Variants in FAM83B observed in about 807,000 individuals in gnomAD.
The protein encoded by FAM83B is protein FAM83B.
A neutral mutation model predicts 38.8 loss-of-function variants in FAM83B; 26 were observed. The observed-to-expected ratio is 0.67, with a 90% CI of 0.49 to 0.93. FAM83B has a LOEUF of 0.93. Ranked by LOEUF, FAM83B falls within the 40% of genes least tolerant of loss-of-function variation. FAM83B has a pLI of 0.00. For synonymous variants in FAM83B, 419 were observed against 423.1 expected, an observed-to-expected ratio of 0.99 and a Z score of 0.12; for missense variants, 1,237 against 1,197.3, an observed-to-expected ratio of 1.03 and a Z score of -0.49.
intron 2 of FAM83B, among the ~76,000 whole-genome samples, chr6:54,883,622 C>T (rs1380776079): frequency 6.6e-6 from 1 of 151,930 alleles, no homozygotes; most frequent in Non-Finnish European, 1.5e-5. Flanking sequence ...AGGCGTGAGC[C>T]ACCGCACCTG....
Position 54,941,531 on chromosome 6 carries a change from T to A in FAM83B, c.2560T>A (p.Ser854Thr). The A allele has an allele frequency of 1.2e-6, 2 of 1,614,028 alleles. No individual in the cohort carries two copies. The highest frequency in any genetic ancestry group is 1.7e-6 in the Non-Finnish European group (2 of 1,179,988). ...TAAGGAAGATGTAACAGTTAGCCCATCTCAAGAGATAAATGCTCCACCAGA... is the reference window on the plus strand; with the variant it reads ...TAAGGAAGATGTAACAGTTAGCCCAACTCAAGAGATAAATGCTCCACCAGA... The part of the protein sequence containing the change: ...KSKEDVTVSP[S>T]QEINAPPDEN... The change falls in exon 5 of 5, where the codon TCT becomes ACT. Residue 854 changes from serine (S) to threonine (T), a missense_variant. By Grantham distance (58) the Ser-to-Thr change is moderately conservative. Transcript: ENST00000306858.
At position 54,870,476 on chromosome 6, in the gene FAM83B, A is replaced by G. The variant is rs1420062535; in HGVS notation, c.230A>G (p.His77Arg). The G allele has an allele frequency of 6.2e-7, 1 of 1,614,062 alleles. No individual in the cohort carries two copies. Among genetic ancestry groups the G allele is most frequent in the Non-Finnish European group, 8.5e-7 (1 of 1,179,972 alleles). ...NVQKVAQSTAHGTDDSCDDTL... is the reference protein window; with the variant it reads ...NVQKVAQSTARGTDDSCDDTL... Reference sequence around the variant, plus strand: ...CAGAAAGTTGCACAAAGCACAGCACATGGTACTGATGATTCCTGTGATGAT... The same window carrying G: ...CAGAAAGTTGCACAAAGCACAGCACGTGGTACTGATGATTCCTGTGATGAT... Residue 77 changes from histidine to arginine, a missense_variant, in exon 2 of 5, where the codon CAT becomes CGT. Coordinates refer to ENST00000306858, the MANE Select transcript of FAM83B (RefSeq NM_001010872.3).
chr6:54,917,574 T>G (rs1773074704), intron 2 of FAM83B, among the ~76,000 whole-genome samples: 1 of 152,144 alleles, frequency 6.6e-6, no homozygotes, highest in Non-Finnish European at 1.5e-5. Flanking sequence ...TGCCTTCTTG[T>G]TCAGAATTTT....
intron 2 of FAM83B, among the ~76,000 whole-genome samples, chr6:54,892,688 A>G (rs1441460321): frequency 1.3e-5 from 2 of 149,330 alleles, no homozygotes; most frequent in East Asian, 1.9e-4. Flanking sequence ...AATATTATAT[A>G]CATAAATATA....
chr6:54,920,412 A>T (rs927185013), intron 2 of FAM83B, among the ~76,000 whole-genome samples: 2 of 151,916 alleles, frequency 1.3e-5, no homozygotes, highest in Non-Finnish European at 2.9e-5. Flanking sequence ...TATTTAGGCA[A>T]TTACAAAAGA....
chr6:54,934,007 A>G lies in FAM83B; in HGVS notation c.735-5699A>G, dbSNP rs199556671. Among the ~76,000 whole-genome samples the G allele has an allele frequency of 1.1e-4, 16 of 152,240 alleles. No homozygotes were observed. The East Asian group carries it at 2.5e-3, about 24-fold the overall frequency. ...AAACATCACAGGTTTTTCAACCTGT[A>G]TGGCTGGAATATAATGTTCTGGGTG... On this transcript the variant is annotated intron_variant, in intron 4 of 4. Transcript: ENST00000306858.
chr6:54,872,874 T>G (rs1047703893), intron 2 of FAM83B, among the ~76,000 whole-genome samples: 1 of 152,214 alleles, frequency 6.6e-6, no homozygotes, highest in Non-Finnish European at 1.5e-5. Flanking sequence ...TTGCATCTTT[T>G]TTCTACTTGT....
intron 2 of FAM83B, among the ~76,000 whole-genome samples, chr6:54,879,303 A>C (rs1772070698): frequency 6.6e-6 from 1 of 152,210 alleles, no homozygotes; most frequent in African/African-American, 2.4e-5. Context: ...GGAGTGGGTA[A>C]ATACAGAATA....
intron 1 of FAM83B, among the ~76,000 whole-genome samples, chr6:54,851,939 G>T (rs532642172): frequency 1.3e-5 from 2 of 151,592 alleles, no homozygotes; most frequent in African/African-American, 4.8e-5. Flanking sequence ...GAGCCACCGC[G>T]CCCGGCCTAA....
chr6:54,900,319 T>G (rs947979558), intron 2 of FAM83B, among the ~76,000 whole-genome samples: 1 of 152,122 alleles, frequency 6.6e-6, no homozygotes, highest in African/African-American at 2.4e-5. Flanking sequence ...CATATCAGGA[T>G]CTCTGGGGGA....
At chr6:54,884,874 G>C (rs550075896) in intron 2 of FAM83B, among the ~76,000 whole-genome samples, 3 of 151,384 alleles carry the variant, frequency 2.0e-5, no homozygotes, top group Admixed American at 2.0e-4. Context: ...CCGGGTTCAC[G>C]CCATTCTCCT....
intron 2 of FAM83B, among the ~76,000 whole-genome samples, chr6:54,902,947 T>C (rs1303394331): frequency 6.6e-6 from 1 of 152,214 alleles, no homozygotes; most frequent in Non-Finnish European, 1.5e-5. Context: ...TTCACAAATA[T>C]TTAAAACAAG....
At chr6:54,922,140 T>A (rs1773186118) in intron 2 of FAM83B, among the ~76,000 whole-genome samples, 1 of 152,048 alleles carries the variant, frequency 6.6e-6, no homozygotes, top group South Asian at 2.1e-4. Flanking sequence ...GACAGAAACA[T>A]CCATTGGCTG....
intron 1 of FAM83B, among the ~76,000 whole-genome samples, chr6:54,868,348 A>AC (rs1771767145): frequency 1.3e-5 from 2 of 152,148 alleles, no homozygotes; most frequent in African/African-American, 2.4e-5. Flanking sequence ...TCTATTTAAA[A>AC]ATGTCTCCAG....
intron 2 of FAM83B, among the ~76,000 whole-genome samples, chr6:54,875,663 C>T (rs531252159): frequency 4.1e-5 from 6 of 145,068 alleles, no homozygotes; most frequent in African/African-American, 5.2e-5. Context: ...GAAGAAGAGA[C>T]GGAGGGGAAG....
chr6:54,882,978 C>T (rs181683126), intron 2 of FAM83B, among the ~76,000 whole-genome samples: 1 of 152,154 alleles, frequency 6.6e-6, no homozygotes, highest in Non-Finnish European at 1.5e-5. Context: ...GAGTCTCGCT[C>T]TGTCACCCAG....
chr6:54,884,957 A>G (rs1772238840), intron 2 of FAM83B, among the ~76,000 whole-genome samples: 1 of 152,058 alleles, frequency 6.6e-6, no homozygotes, highest in Non-Finnish European at 1.5e-5. Flanking sequence ...TATTTTTAGT[A>G]GAGACGGGGT....
At chr6:54,900,815 A>G (rs1222431916) in intron 2 of FAM83B, among the ~76,000 whole-genome samples, 1 of 152,210 alleles carries the variant, frequency 6.6e-6, no homozygotes, top group Non-Finnish European at 1.5e-5. Context: ...GATGAGTGTG[A>G]TAGACCACCC....
intron 2 of FAM83B, among the ~76,000 whole-genome samples, chr6:54,887,785 ATG>A (rs1283872186): frequency 6.6e-6 from 1 of 151,768 alleles, no homozygotes; most frequent in African/African-American, 2.4e-5. Context: ...TATGTATTTG[ATG>A]TGTCTTTGTA....
Sources: allele counts gnomAD v4.1 joint callset (sites outside exome capture counted in the v4.1 genomes callset), GRCh38; gene constraint gnomAD v4.1.1; transcripts MANE v1.5; gene names NCBI Gene and HGNC (gene_info 2026-07-23, HGNC 2026-07-21).